Variants in GRIK1 observed in about 807,000 individuals in gnomAD.
GRIK1 encodes glutamate receptor ionotropic, kainate 1.
In GRIK1, 69 loss-of-function variants were observed where a neutral mutation model predicts 105.7. That is an observed-to-expected ratio of 0.65 (90% confidence interval 0.54 to 0.80). GRIK1 has a LOEUF of 0.80. Among genes scored for constraint, GRIK1 ranks in the 30% least tolerant of loss-of-function variants. The probability of loss-of-function intolerance (pLI) is 0.00; values close to 1 mark genes in which losing one functional copy is unlikely to be tolerated. For missense variants in GRIK1, 1,109 were observed against 1,167.3 expected (o/e 0.95, Z 0.73); for synonymous variants, 438 against 431.3 (o/e 1.02, Z -0.19).
chr21:29,874,336 C>T (rs561976458), intron 1 of GRIK1, among the ~76,000 whole-genome samples: 1 of 152,280 alleles, frequency 6.6e-6, no homozygotes, highest in Admixed American at 6.5e-5. Context: ...AAATGGCTTA[C>T]TGCATGAACC....
chr21:29,654,641 AAG>A (rs1222781440), intron 5 of GRIK1, among the ~76,000 whole-genome samples, 167 bp downstream of exon 5: 1 of 121,420 alleles, frequency 8.2e-6, no homozygotes, highest in Non-Finnish European at 1.7e-5. Context: ...GAAAGAAAGA[AAG>A]AAAAAAAGCC....
intron 1 of GRIK1, among the ~76,000 whole-genome samples, chr21:29,729,746 T>C (rs889948539): frequency 6.6e-6 from 1 of 152,172 alleles, no homozygotes. Context: ...TCTGTAACTG[T>C]AGTAGAGAAA....
chr21:29,805,693 G>T (rs1294729456), intron 1 of GRIK1, among the ~76,000 whole-genome samples: 3 of 152,024 alleles, frequency 2.0e-5, no homozygotes, highest in Non-Finnish European at 4.4e-5. Flanking sequence ...TAATGCACAG[G>T]GTGCCAATTC....
chr21:29,850,845 T>G (rs1470234760), intron 1 of GRIK1, among the ~76,000 whole-genome samples: 1 of 151,668 alleles, frequency 6.6e-6, no homozygotes, highest in Non-Finnish European at 1.5e-5. Flanking sequence ...GTAACAATGT[T>G]TGTATAAAAG....
chr21:29,765,670 G>A (rs1462597307), intron 1 of GRIK1, among the ~76,000 whole-genome samples: 1 of 152,060 alleles, frequency 6.6e-6, no homozygotes, highest in African/African-American at 2.4e-5. Context: ...TGCTTCGAAT[G>A]GGGACTAAGA....
intron 1 of GRIK1, among the ~76,000 whole-genome samples, chr21:29,747,647 G>A: frequency 6.6e-6 from 1 of 152,134 alleles, no homozygotes; most frequent in African/African-American, 2.4e-5. Flanking sequence ...TGGCCAATAT[G>A]GTGAAACCCC....
At chr21:29,786,091 C>A (rs1174762026) in intron 1 of GRIK1, among the ~76,000 whole-genome samples, 2 of 152,204 alleles carry the variant, frequency 1.3e-5, no homozygotes, top group Non-Finnish European at 1.5e-5. Context: ...TGGGTTCAAG[C>A]GATTCTCTTG....
chr21:29,930,786 G>A (rs2071539021), intron 1 of GRIK1, among the ~76,000 whole-genome samples: 1 of 152,122 alleles, frequency 6.6e-6, no homozygotes, highest in South Asian at 2.1e-4. Flanking sequence ...GTTATATAAA[G>A]CTTATTTCTT....
At chr21:29,691,879 G>A (rs182510827) in intron 2 of GRIK1, among the ~76,000 whole-genome samples, 1 of 152,318 alleles carries the variant, frequency 6.6e-6, no homozygotes, top group African/African-American at 2.4e-5. Flanking sequence ...CTGCTCTTTG[G>A]TAGTGAACTA....
chr21:29,791,026 C>T (rs2066399189), intron 1 of GRIK1, among the ~76,000 whole-genome samples: 1 of 152,076 alleles, frequency 6.6e-6, no homozygotes, highest in South Asian at 2.1e-4. Context: ...GACACTGATG[C>T]TGAGAAGTGG....
At chr21:29,845,047 C>T (rs1208035484) in intron 1 of GRIK1, among the ~76,000 whole-genome samples, 1 of 152,156 alleles carries the variant, frequency 6.6e-6, no homozygotes, top group East Asian at 1.9e-4. Flanking sequence ...CCTGCATGCT[C>T]ATGTGAGATA....
intron 1 of GRIK1, among the ~76,000 whole-genome samples, chr21:29,781,135 C>G (rs910398670): frequency 1.3e-5 from 2 of 152,194 alleles, no homozygotes; most frequent in Non-Finnish European, 2.9e-5. Context: ...TATGTACACA[C>G]ATGCACACAC....
intron 1 of GRIK1, among the ~76,000 whole-genome samples, chr21:29,897,428 G>A (rs116658931): frequency 0.013 from 2,047 of 152,308 alleles, 36 homozygotes; most frequent in African/African-American, 0.047. Flanking sequence ...TGGAGAAAAT[G>A]AAGAAATTGG....
intron 1 of GRIK1, among the ~76,000 whole-genome samples, chr21:29,826,836 C>T (rs955458498): frequency 2.6e-5 from 4 of 152,118 alleles, no homozygotes; most frequent in Non-Finnish European, 2.9e-5. Flanking sequence ...ATTATTCCTC[C>T]AATCAGAGTA....
In GRIK1 at chr21:29,673,145, C is replaced by T. The variant is rs1047150935; in HGVS notation, c.564G>A (p.Glu188=). ...TATATCTGGAGGGAGCTTTGATGAG[C>T]TCTTGTAGACGAATTAGACCTAGAA... is the stretch of plus-strand genomic sequence containing the variant. ...EDSTGLIRLQ[E]LIKAPSRYNI... is the part of the protein sequence containing the mutation. The change falls in exon 4 of 18, where the codon GAG becomes GAA. Residue 188 remains glutamate (E), a synonymous_variant. Transcript: ENST00000327783. 3 of 1,609,670 alleles carry T rather than the reference C, an allele frequency of 1.9e-6. No homozygotes were observed. The African/African-American group carries it at 4.0e-5, about 22-fold the overall frequency.
At chr21:29,683,321 A>G (rs1036428709) in intron 3 of GRIK1, among the ~76,000 whole-genome samples, 2 of 152,182 alleles carry the variant, frequency 1.3e-5, no homozygotes, top group Non-Finnish European at 2.9e-5. Context: ...AAACCCACAC[A>G]CTCATATGTT....
chr21:29,786,689 T>C (rs2066269545), intron 1 of GRIK1, among the ~76,000 whole-genome samples: 1 of 152,208 alleles, frequency 6.6e-6, no homozygotes, highest in African/African-American at 2.4e-5. Flanking sequence ...AAGACATTGA[T>C]GACTGTAGCA....
chr21:29,584,485 AC>A (rs2091089517), intron 12 of GRIK1, among the ~76,000 whole-genome samples: 2 of 152,344 alleles, frequency 1.3e-5, no homozygotes, highest in East Asian at 1.9e-4. Context: ...CAACCACAAA[AC>A]AAAAACCCTG....
intron 1 of GRIK1, among the ~76,000 whole-genome samples, chr21:29,834,776 T>A (rs1377402408): frequency 1.3e-5 from 2 of 150,004 alleles, no homozygotes; most frequent in African/African-American, 4.9e-5. Flanking sequence ...TATTAATTAA[T>A]ATTCATCCAA....
Sources: allele counts gnomAD v4.1 joint callset (sites outside exome capture counted in the v4.1 genomes callset), GRCh38; gene constraint gnomAD v4.1.1; transcripts MANE v1.5; gene names NCBI Gene and HGNC (gene_info 2026-07-23, HGNC 2026-07-21).